SMG6: variants seen among roughly 807,000 people sequenced by gnomAD.
SMG6 encodes telomerase-binding protein EST1A.
SMG6 carries 66 observed loss-of-function variants against 142.2 expected under a neutral mutation model. The ratio of observed to expected loss-of-function variants is 0.46; its 90% CI spans 0.38 to 0.57. SMG6 has a LOEUF of 0.57. Among genes scored for constraint, SMG6 ranks in the 20% least tolerant of loss-of-function variants. SMG6 has a pLI of 0.00. For synonymous variants in SMG6, 779 were observed against 702.4 expected, an observed-to-expected ratio of 1.11 and a Z score of -1.72; for missense variants, 1,793 against 1,832.0, an observed-to-expected ratio of 0.98 and a Z score of 0.39.
intron 13 of SMG6, among the ~76,000 whole-genome samples, chr17:2,124,703 C>T (rs776468516): frequency 1.8e-4 from 28 of 152,076 alleles, no homozygotes; most frequent in South Asian, 4.1e-4. Flanking sequence ...AGCAGGGAGA[C>T]GGAACAGTAC....
At chr17:2,297,596 C>CACACAA (rs1323774102) in intron 3 of SMG6, among the ~76,000 whole-genome samples, 5 of 151,900 alleles carry the variant, frequency 3.3e-5, no homozygotes, top group East Asian at 1.9e-4. Context: ...ACGCTCTCTC[C>CACACAA]ACACAAACAC....
chr17:2,229,940 C>T (rs2073422376), intron 10 of SMG6, among the ~76,000 whole-genome samples: 1 of 151,952 alleles, frequency 6.6e-6, no homozygotes, highest in Non-Finnish European at 1.5e-5. Flanking sequence ...AATCCCAGCA[C>T]TTTGGGAGGC....
At chr17:2,199,585 A>T (rs1245682333) in intron 10 of SMG6, among the ~76,000 whole-genome samples, 1 of 151,668 alleles carries the variant, frequency 6.6e-6, no homozygotes, top group Non-Finnish European at 1.5e-5. Context: ...AAATAAAAAT[A>T]AAAAAGATTT....
chr17:2,146,378 A>G (rs774142925), intron 13 of SMG6, among the ~76,000 whole-genome samples: 101 of 152,200 alleles, frequency 6.6e-4, no homozygotes, highest in Non-Finnish European at 1.3e-3. Context: ...AGGCAACCCC[A>G]TACTGGGAGA....
chr17:2,265,921 T>C (rs2074414207), intron 8 of SMG6: 1 of 909,370 alleles, frequency 1.1e-6, no homozygotes, highest in Middle Eastern at 5.7e-4. Flanking sequence ...CTTCAGAACT[T>C]AGCCTTACCA....
At chr17:2,186,896 G>A (rs1168908797) in intron 11 of SMG6, 65 bp from the exon 12 acceptor site, 21 of 1,544,926 alleles carry the variant, frequency 1.4e-5, no homozygotes, top group East Asian at 1.2e-4. Context: ...GGCCTGGGGC[G>A]CTGGGACGGC....
chr17:2,156,963 T>C (rs2071026664), intron 13 of SMG6, among the ~76,000 whole-genome samples: 1 of 152,210 alleles, frequency 6.6e-6, no homozygotes, highest in Non-Finnish European at 1.5e-5. Flanking sequence ...TCCATTCTTC[T>C]AGTTCATGCT....
chr17:2,200,631 G>T (rs2072491337), intron 10 of SMG6, among the ~76,000 whole-genome samples: 1 of 152,060 alleles, frequency 6.6e-6, no homozygotes, highest in Non-Finnish European at 1.5e-5. Flanking sequence ...CTCCCAAAGT[G>T]CAAGAATTAG....
chr17:2,229,685 A>ACGC (rs2073416188), intron 10 of SMG6, among the ~76,000 whole-genome samples: 1 of 152,194 alleles, frequency 6.6e-6, no homozygotes, highest in Non-Finnish European at 1.5e-5. Context: ...ATTACTGGTC[A>ACGC]CGCCCTCTGA....
At chr17:2,221,926 G>A (rs1237364961) in intron 10 of SMG6, among the ~76,000 whole-genome samples, 1 of 152,182 alleles carries the variant, frequency 6.6e-6, no homozygotes, top group Non-Finnish European at 1.5e-5. Context: ...GTAAAGACAG[G>A]GTTTCGCCAT....
intron 15 of SMG6, among the ~76,000 whole-genome samples, chr17:2,078,896 T>C (rs1472268758): frequency 6.6e-6 from 1 of 151,098 alleles, no homozygotes; most frequent in Non-Finnish European, 1.5e-5. Flanking sequence ...AGACTGAAAT[T>C]TGATAAAGAT....
At chr17:2,183,539 T>A (rs1245448826) in intron 12 of SMG6, among the ~76,000 whole-genome samples, 7 of 152,190 alleles carry the variant, frequency 4.6e-5, no homozygotes, top group African/African-American at 1.7e-4. Context: ...CTCTGCTCTG[T>A]AATGTGAAAT....
At chr17:2,166,238 C>T (rs1276282073) in intron 13 of SMG6, among the ~76,000 whole-genome samples, 1 of 151,998 alleles carries the variant, frequency 6.6e-6, no homozygotes. Context: ...CAACAAAAAA[C>T]TACTGTAGAC....
intron 15 of SMG6, among the ~76,000 whole-genome samples, chr17:2,081,358 G>A (rs1255334319): frequency 6.6e-6 from 1 of 152,064 alleles, no homozygotes; most frequent in Non-Finnish European, 1.5e-5. Context: ...GGAGTATCTT[G>A]TCCAGAGGAG....
chr17:2,185,320 C>T (rs2151684550), intron 12 of SMG6, among the ~76,000 whole-genome samples: 1 of 152,194 alleles, frequency 6.6e-6, no homozygotes, highest in East Asian at 1.9e-4. Flanking sequence ...CACAGACTTA[C>T]AGACACACAG....
intron 18 of SMG6, 181 bp from the exon 19 acceptor site, chr17:2,061,803 T>TA (rs1176787715): frequency 3.2e-6 from 2 of 630,480 alleles, no homozygotes; most frequent in Non-Finnish European, 2.7e-6. Context: ...CCTGCTGGCC[T>TA]AGAGAGGGCT....
At chr17:2,207,200 A>G (rs1352660769) in intron 10 of SMG6, among the ~76,000 whole-genome samples, 4 of 151,876 alleles carry the variant, frequency 2.6e-5, no homozygotes, top group Non-Finnish European at 4.4e-5. Context: ...AGGCATGAGA[A>G]TCACTTGAAC....
intron 10 of SMG6, among the ~76,000 whole-genome samples, chr17:2,210,655 GA>G (rs1567685598): frequency 6.6e-6 from 1 of 150,524 alleles, no homozygotes; most frequent in Non-Finnish European, 1.5e-5. Flanking sequence ...TGCTGCACGA[GA>G]AAGAGGAAAC....
chr17:2,200,235 GT>G (rs756969625), intron 10 of SMG6, among the ~76,000 whole-genome samples: 1 of 151,488 alleles, frequency 6.6e-6, no homozygotes, highest in African/African-American at 2.4e-5. Context: ...AAAACTTTTT[GT>G]TTTTTTTAAG....
Sources: allele counts gnomAD v4.1 joint callset (sites outside exome capture counted in the v4.1 genomes callset), GRCh38; gene constraint gnomAD v4.1.1; transcripts MANE v1.5; gene names NCBI Gene and HGNC (gene_info 2026-07-23, HGNC 2026-07-21).